Variants in AOX1 observed in about 807,000 individuals in gnomAD.
AOX1 encodes aldehyde oxidase 1.
AOX1 carries 153 observed loss-of-function variants against 169.5 expected under a neutral mutation model. The observed-to-expected ratio is 0.90, with a 90% CI of 0.79 to 1.03. The LOEUF is 1.03. AOX1 is among the 50% of genes least tolerant of loss of function. The probability of loss-of-function intolerance (pLI) is 0.00; values close to 1 mark genes in which losing one functional copy is unlikely to be tolerated. For synonymous variants in AOX1, 562 were observed against 581.9 expected, an observed-to-expected ratio of 0.97 and a Z score of 0.49; for missense variants, 1,656 against 1,663.9, an observed-to-expected ratio of 1.00 and a Z score of 0.08.
chr2:200,645,219 T>A (rs966199809), intron 25 of AOX1, among the ~76,000 whole-genome samples: 2 of 152,222 alleles, frequency 1.3e-5, no homozygotes, highest in Non-Finnish European at 2.9e-5. Flanking sequence ...TTGTCATAGA[T>A]GGCTTTTATT....
At chr2:200,600,842 A>G (rs2034399435) in intron 5 of AOX1, among the ~76,000 whole-genome samples, 1 of 152,092 alleles carries the variant, frequency 6.6e-6, no homozygotes. Context: ...ATTTGTGGGT[A>G]ATGAAGATTC....
intron 14 of AOX1, among the ~76,000 whole-genome samples, chr2:200,613,550 A>G (rs1270328023): frequency 1.3e-5 from 2 of 152,208 alleles, no homozygotes; most frequent in African/African-American, 4.8e-5. Context: ...TGTGGATTTT[A>G]TATGAGTTGT....
downstream of AOX1, chr2:200,677,071 T>C (rs1245846757): frequency 5.3e-6 from 2 of 376,956 alleles, no homozygotes; most frequent in Admixed American, 3.7e-5. Context: ...GAAACCATGA[T>C]AGAAGCAATC....
rs911189200 is a variant in AOX1 at position 200,666,817 on chromosome 2, G to C, written c.3609+65G>C. The C allele has an allele frequency of 3.5e-6, 4 of 1,139,620 alleles. No homozygotes were observed. The African/African-American group carries it at 6.2e-5, about 18-fold the overall frequency. The allele number at this position is 1,139,620 out of a possible 1,614,324, so 70.6% of individuals were successfully genotyped here. On this transcript the variant is annotated intron_variant, in intron 32 of 34. Transcript: ENST00000374700. ...GCCAAAAGTGCGGTGGGGTCTGCAG[G>C]AGAGCATTCCATCAGTCTTATTCAT...
Position 200,660,028 on chromosome 2 carries a change from C to T in AOX1, c.3334C>T (p.Pro1112Ser). 1 of 1,613,828 alleles carries T rather than the reference C, an allele frequency of 6.2e-7. No homozygotes were observed. The highest frequency in any genetic ancestry group is 1.1e-5 in the South Asian group (1 of 91,066). Residue 1112 changes from proline (P) to serine (S), a missense_variant, in exon 29 of 35, where the codon CCC (proline) becomes TCC (serine). Coordinates refer to ENST00000374700, the MANE Select transcript of AOX1 (RefSeq NM_001159.4). The stretch of plus-strand genomic sequence containing the variant: ...TCAAACTCTTCTAAAACGCCTCGAA[C>T]CCATCATCAGCAAGAATCCTAAAGG... ...ACQTLLKRLE[P>S]IISKNPKGTW...
chr2:200,591,540 TTTC>T (rs1368307573), intron 1 of AOX1, among the ~76,000 whole-genome samples: 1 of 152,234 alleles, frequency 6.6e-6, no homozygotes, highest in African/African-American at 2.4e-5. Flanking sequence ...TGAGTTCGAA[TTTC>T]TTCTTGTATT....
At chr2:200,649,047 CCT>C (rs1225650195) in intron 25 of AOX1, among the ~76,000 whole-genome samples, 1 of 152,122 alleles carries the variant, frequency 6.6e-6, no homozygotes, top group Non-Finnish European at 1.5e-5. Context: ...GGTTTCTCCC[CCT>C]GCCTGTGGAG....
At chr2:200,594,025 G>C (rs897457059) in intron 2 of AOX1, among the ~76,000 whole-genome samples, 3 of 152,122 alleles carry the variant, frequency 2.0e-5, no homozygotes, top group Non-Finnish European at 4.4e-5. Context: ...TGTTAGTTCA[G>C]GTTCTTCAGG....
At chr2:200,632,266 T>A (rs915047839) in intron 20 of AOX1, among the ~76,000 whole-genome samples, 1 of 151,514 alleles carries the variant, frequency 6.6e-6, no homozygotes, top group Non-Finnish European at 1.5e-5. Flanking sequence ...TGTACAGATT[T>A]TTTTTAGTGG....
Position 200,593,213 on chromosome 2 carries a change from TC to T in AOX1, c.103+11del, listed in dbSNP as rs750286890. On this transcript the variant is annotated intron_variant, in intron 2 of 34. Coordinates refer to ENST00000374700, the MANE Select transcript of AOX1 (RefSeq NM_001159.4). ...TATTTGAGGAAGAAGCGTATCCTTT[TC>T]TTTACTTTGACTGTGTATGTGTGTG... is the stretch of plus-strand genomic sequence containing the variant. 2 of 1,611,804 alleles carry T rather than the reference TC, an allele frequency of 1.2e-6. No homozygotes were observed. The highest frequency in any genetic ancestry group is 3.3e-5 in the Admixed American group (2 of 60,012).
chr2:200,613,023 T>A (rs369197700), intron 14 of AOX1, among the ~76,000 whole-genome samples: 12 of 89,960 alleles, frequency 1.3e-4, no homozygotes, highest in Admixed American at 2.2e-4. Context: ...TGTGTGTGTG[T>A]GTGTGAGAGA....
At chr2:200,681,028 T>C (rs1450756973), downstream of AOX1, among the ~76,000 whole-genome samples, 2 of 152,166 alleles carry the variant, frequency 1.3e-5, no homozygotes, top group Non-Finnish European at 2.9e-5. Context: ...TTTAACTTCC[T>C]TTCAGGAGGA....
intron 10 of AOX1, among the ~76,000 whole-genome samples, chr2:200,607,345 G>A (rs146454186): frequency 6.6e-6 from 1 of 152,124 alleles, no homozygotes; most frequent in East Asian, 1.9e-4. Flanking sequence ...CTTGATCGTG[G>A]TGGATAAGCT....
At chr2:200,593,306 A>T (rs2034213566) in intron 2 of AOX1, 103 bp downstream of exon 2, 1 of 939,090 alleles carries the variant, frequency 1.1e-6, no homozygotes, top group African/African-American at 1.6e-5. Flanking sequence ...ACACTGAGAC[A>T]TATTCCCTAC....
chr2:200,681,639 G>A (rs779050248), downstream of AOX1: 14 of 152,220 alleles, frequency 9.2e-5, no homozygotes, highest in Non-Finnish European at 1.8e-4. Flanking sequence ...GAGTAGTGTG[G>A]GCAAGAATTA....
intron 15 of AOX1, 82 bp downstream of exon 15, chr2:200,614,048 A>G: frequency 7.7e-7 from 1 of 1,292,774 alleles, no homozygotes; most frequent in Non-Finnish European, 1.1e-6. Flanking sequence ...CTCCCTACCA[A>G]ATAGCTGTAG....
Position 200,599,633 on chromosome 2 carries a change from A to G in AOX1, c.323A>G (p.Lys108Arg). 6.2e-7 allele frequency: 1 copy of G among 1,610,878 alleles called. No homozygotes were observed. Among genetic ancestry groups the G allele is most frequent in the Non-Finnish European group, 8.5e-7 (1 of 1,178,460 alleles). ...CTGTGCTTCCAGGAGAGGATTGCCAAGTGTCATGGCACCCAGTGTGGCTTC... is the reference window on the plus strand; with the variant it reads ...CTGTGCTTCCAGGAGAGGATTGCCAGGTGTCATGGCACCCAGTGTGGCTTC... ...RIHPVQERIA[K>R]CHGTQCGFCT... Residue 108 changes from lysine (K) to arginine (R), a missense_variant, in exon 5 of 35, where the codon AAG (lysine) becomes AGG (arginine). Transcript: ENST00000374700.
chr2:200,677,863 C>A (rs1464882095), downstream of AOX1, among the ~76,000 whole-genome samples: 1 of 152,160 alleles, frequency 6.6e-6, no homozygotes, highest in East Asian at 1.9e-4. Flanking sequence ...CCGAGCATAC[C>A]CGCCCTGCAT....
chr2:200,613,087 ATTC>A (rs1229271531), intron 14 of AOX1, among the ~76,000 whole-genome samples: 1 of 151,768 alleles, frequency 6.6e-6, no homozygotes, highest in African/African-American at 2.4e-5. Flanking sequence ...GCAAATTTGT[ATTC>A]TTTATTTTGG....
Sources: allele counts gnomAD v4.1 joint callset (sites outside exome capture counted in the v4.1 genomes callset), GRCh38; gene constraint gnomAD v4.1.1; transcripts MANE v1.5; gene names NCBI Gene and HGNC (gene_info 2026-07-23, HGNC 2026-07-21).